The following SLC2A9 variants were observed in gnomAD, a reference collection of about 807,000 sequenced individuals.
SLC2A9 encodes the protein solute carrier family 2 member 9.
Under a neutral mutation model 50.6 loss-of-function variants are expected in SLC2A9, and 39 were observed. The ratio of observed to expected loss-of-function variants is 0.77; its 90% confidence interval spans 0.60 to 1.01. The LOEUF (loss-of-function observed/expected upper bound fraction) is 1.01, where lower values mean the gene tolerates loss of function less well. Among genes scored for constraint, SLC2A9 ranks in the 50% least tolerant of loss-of-function variants. The pLI, the probability that SLC2A9 is intolerant of heterozygous loss-of-function variation, is 0.00. For missense variants in SLC2A9, 686 were observed against 677.6 expected (o/e 1.01, Z -0.14); for synonymous variants, 324 against 276.9 (o/e 1.17, Z -1.69).
At chr4:9,833,422 G>C (rs1036234256) in intron 11 of SLC2A9, among the ~76,000 whole-genome samples, 12 of 152,156 alleles carry the variant, frequency 7.9e-5, no homozygotes, top group African/African-American at 2.4e-4. Flanking sequence ...GGAGAAACTG[G>C]GTTTGATGCT....
chr4:9,996,145 G>C (rs572402474), intron 3 of SLC2A9, among the ~76,000 whole-genome samples: 26 of 152,324 alleles, frequency 1.7e-4, no homozygotes, highest in African/African-American at 6.3e-4. Context: ...TGAAGTTTTT[G>C]ATTCTCACTG....
At chr4:9,994,461 C>T (rs1326853518) in intron 3 of SLC2A9, among the ~76,000 whole-genome samples, 1 of 152,066 alleles carries the variant, frequency 6.6e-6, no homozygotes, top group African/African-American at 2.4e-5. Flanking sequence ...CCAACACATC[C>T]TTTGATCTGA....
intron 8 of SLC2A9, among the ~76,000 whole-genome samples, chr4:9,904,867 GT>G (rs1740336619): frequency 6.6e-6 from 1 of 152,180 alleles, no homozygotes; most frequent in South Asian, 2.1e-4. Flanking sequence ...TTTAAGGACT[GT>G]TTCCAATGGA....
At chr4:9,834,849 C>T (rs1160945909) in intron 11 of SLC2A9, 32 bp downstream of exon 11, 4 of 1,613,884 alleles carry the variant, frequency 2.5e-6, no homozygotes, top group Non-Finnish European at 3.4e-6. Context: ...CAAAGGGAAC[C>T]CCATGGGCAA....
chr4:9,896,248 T>A (rs1444064959), intron 8 of SLC2A9, among the ~76,000 whole-genome samples: 1 of 152,232 alleles, frequency 6.6e-6, no homozygotes, highest in Admixed American at 6.5e-5. Context: ...TTACTCCACA[T>A]CCTTGGCAAC....
At chr4:9,863,233 A>G (rs1731939688) in intron 10 of SLC2A9, among the ~76,000 whole-genome samples, 1 of 151,896 alleles carries the variant, frequency 6.6e-6, no homozygotes, top group Non-Finnish European at 1.5e-5. Context: ...TCTAACCTCG[A>G]TCTCCTGGGC....
intron 10 of SLC2A9, among the ~76,000 whole-genome samples, chr4:9,870,401 T>C (rs1380497227): frequency 6.6e-6 from 1 of 152,196 alleles, no homozygotes; most frequent in Non-Finnish European, 1.5e-5. Flanking sequence ...GAAAGACCTA[T>C]GAGCCTGACA....
At chr4:9,848,613 T>C (rs1185240787) in intron 10 of SLC2A9, among the ~76,000 whole-genome samples, 1 of 152,152 alleles carries the variant, frequency 6.6e-6, no homozygotes, top group African/African-American at 2.4e-5. Context: ...GTCTGTCTCT[T>C]GGGTGCTTGA....
chr4:9,780,561 G>A (rs1394131238), intron 3 of SLC2A9, among the ~76,000 whole-genome samples: 2 of 152,168 alleles, frequency 1.3e-5, no homozygotes, highest in African/African-American at 4.8e-5. Flanking sequence ...AGGAAGGGAG[G>A]AGAAAGTCCA....
At chr4:9,962,688 G>A (rs34245354) in intron 5 of SLC2A9, among the ~76,000 whole-genome samples, 9,634 of 152,080 alleles carry the variant, frequency 0.063, 776 homozygotes, top group East Asian at 0.46. Context: ...TAACAAACCT[G>A]CACACCCTGC....
chr4:9,977,647 C>T (rs1755030042), intron 5 of SLC2A9, among the ~76,000 whole-genome samples: 1 of 151,542 alleles, frequency 6.6e-6, no homozygotes, highest in South Asian at 2.1e-4. Context: ...TAGAACTCCC[C>T]GCCCCCATTG....
At position 9,880,372 on chromosome 4, in the gene SLC2A9, T is replaced by C. The variant is rs1734999327; in HGVS notation, c.1291+7195A>G. 3 of 985,438 alleles carry C rather than the reference T, an allele frequency of 3.0e-6. No individual in the cohort carries two copies. The African/African-American group carries it at 5.2e-5, about 17-fold the overall frequency. 61.0% of individuals were successfully genotyped at this position (985,438 alleles called of 1,614,324 possible). ...GGAGGGCAGGGGCTGACAGGTGATCTGGGATTGGGAGGTGCAGGTGGCCTT... is the reference window on the plus strand; with the variant it reads ...GGAGGGCAGGGGCTGACAGGTGATCCGGGATTGGGAGGTGCAGGTGGCCTT... On this transcript the variant is annotated intron_variant, in intron 10 of 11. Transcript: ENST00000264784.
intron 4 of SLC2A9, among the ~76,000 whole-genome samples, chr4:9,984,020 G>T (rs1756311610): frequency 6.6e-6 from 1 of 152,140 alleles, no homozygotes; most frequent in Admixed American, 6.5e-5. Flanking sequence ...TGAAAAGCAT[G>T]AACACAGTTG....
At chr4:9,936,702 A>G (rs1270550867) in intron 6 of SLC2A9, among the ~76,000 whole-genome samples, 1 of 152,148 alleles carries the variant, frequency 6.6e-6, no homozygotes, top group African/African-American at 2.4e-5. Flanking sequence ...TCGGGGCTCC[A>G]GGGGCATCTA....
chr4:9,906,141 C>T (rs568444012), intron 8 of SLC2A9, among the ~76,000 whole-genome samples: 1 of 152,164 alleles, frequency 6.6e-6, no homozygotes, highest in East Asian at 1.9e-4. Context: ...AATCCTCAGC[C>T]CATCCCTATG....
intron 2 of SLC2A9, among the ~76,000 whole-genome samples, chr4:10,017,667 C>T (rs572084633): frequency 6.6e-6 from 1 of 152,224 alleles, no homozygotes; most frequent in Non-Finnish European, 1.5e-5. Flanking sequence ...CACAAGGATG[C>T]TGGACTCCCA....
chr4:10,005,095 C>T (rs1578294261), intron 2 of SLC2A9, among the ~76,000 whole-genome samples: 2 of 152,210 alleles, frequency 1.3e-5, no homozygotes, highest in East Asian at 3.8e-4. Flanking sequence ...ACAAATTCTG[C>T]TGTTTCTTGC....
chr4:9,909,107 G>A (rs1741231782), intron 7 of SLC2A9, among the ~76,000 whole-genome samples: 1 of 152,164 alleles, frequency 6.6e-6, no homozygotes, highest in Admixed American at 6.5e-5. Flanking sequence ...ATGCATACAA[G>A]GTGAAAGATG....
intron 3 of SLC2A9, among the ~76,000 whole-genome samples, chr4:9,787,522 A>T (rs547417932): frequency 8.5e-5 from 13 of 152,260 alleles, no homozygotes; most frequent in Middle Eastern, 3.4e-3. Flanking sequence ...TGTGATGCCC[A>T]TTTACTCTGA....
Sources: allele counts gnomAD v4.1 joint callset (sites outside exome capture counted in the v4.1 genomes callset), GRCh38; gene constraint gnomAD v4.1.1; transcripts MANE v1.5; gene names NCBI Gene and HGNC (gene_info 2026-07-23, HGNC 2026-07-21).